The following SLIT3 variants were observed in gnomAD, a reference collection of about 807,000 sequenced individuals.
SLIT3 encodes the protein slit homolog 3 protein.
A neutral mutation model predicts 184.0 loss-of-function variants in SLIT3; 68 were observed. The observed-to-expected ratio is 0.37, with a 90% CI of 0.30 to 0.45. The LOEUF is 0.45. Among genes scored for constraint, SLIT3 ranks in the 20% least tolerant of loss-of-function variants. The pLI, the probability that SLIT3 is intolerant of heterozygous loss-of-function variation, is 1.00. For missense variants in SLIT3, 1,707 were observed against 2,026.0 expected (o/e 0.84, Z 3.02); for synonymous variants, 831 against 828.6 (o/e 1.00, Z -0.05).
intron 5 of SLIT3, among the ~76,000 whole-genome samples, chr5:168,856,281 T>C (rs1758861540): frequency 6.6e-6 from 1 of 152,150 alleles, no homozygotes; most frequent in Non-Finnish European, 1.5e-5. Flanking sequence ...GCAGGAACTT[T>C]ATGAGACCAC....
In SLIT3 at chr5:169,158,997, C is replaced by T. The variant is rs142526438; in HGVS notation, c.413+34482G>A. 4.9e-3 allele frequency among the ~76,000 whole-genome samples: 744 copies of T among 152,266 alleles called. 11 individuals carry two copies. The highest frequency in any genetic ancestry group is 0.017 in the African/African-American group (707 of 41,556). ...AAATATGCCAATTAAAAAACAGAGA[C>T]TGAGGCCGGGCATGGTGGCTCATGC... is the stretch of plus-strand genomic sequence containing the variant. On this transcript the variant is annotated intron_variant, in intron 4 of 35. Transcript: ENST00000519560.
At chr5:169,128,823 T>C (rs551714590) in intron 4 of SLIT3, among the ~76,000 whole-genome samples, 1 of 152,280 alleles carries the variant, frequency 6.6e-6, no homozygotes, top group East Asian at 1.9e-4. Context: ...GCCTGGCAAA[T>C]GTAATTACTA....
intron 4 of SLIT3, among the ~76,000 whole-genome samples, chr5:168,951,173 T>C (rs541971062): frequency 2.0e-5 from 3 of 152,090 alleles, no homozygotes; most frequent in Admixed American, 2.0e-4. Flanking sequence ...TGAGCCAAGA[T>C]TGCACCACTG....
chr5:168,899,658 A>C (rs1760800052), intron 4 of SLIT3, among the ~76,000 whole-genome samples: 1 of 152,242 alleles, frequency 6.6e-6, no homozygotes, highest in African/African-American at 2.4e-5. Context: ...TGTTATCTAC[A>C]GTGATGATTG....
intron 4 of SLIT3, among the ~76,000 whole-genome samples, chr5:169,003,972 C>G (rs1755816681): frequency 6.6e-6 from 1 of 152,120 alleles, no homozygotes; most frequent in Non-Finnish European, 1.5e-5. Flanking sequence ...AACCCAGGCC[C>G]CTGCTGACTG....
intron 5 of SLIT3, among the ~76,000 whole-genome samples, chr5:168,851,033 T>G (rs888793707): frequency 6.6e-6 from 1 of 152,120 alleles, no homozygotes; most frequent in African/African-American, 2.4e-5. Flanking sequence ...ACTTTATCAT[T>G]AAAGATAGGG....
At chr5:169,125,834 G>A (rs1439727918) in intron 4 of SLIT3, among the ~76,000 whole-genome samples, 1 of 152,202 alleles carries the variant, frequency 6.6e-6, no homozygotes, top group Admixed American at 6.5e-5. Flanking sequence ...GAGGAATGAA[G>A]CCTGGGAACA....
intron 4 of SLIT3, among the ~76,000 whole-genome samples, chr5:168,898,061 T>C (rs537010751): frequency 2.0e-5 from 3 of 152,340 alleles, no homozygotes; most frequent in East Asian, 1.9e-4. Flanking sequence ...TTCAAACTTT[T>C]TACATTACAA....
chr5:169,192,474 T>C (rs1345321832), intron 4 of SLIT3, among the ~76,000 whole-genome samples: 1 of 151,858 alleles, frequency 6.6e-6, no homozygotes, highest in Non-Finnish European at 1.5e-5. Context: ...TATAGAAATA[T>C]ATATTCCTAA....
chr5:168,850,886 G>A (rs1332677054), intron 5 of SLIT3, among the ~76,000 whole-genome samples: 1 of 152,178 alleles, frequency 6.6e-6, no homozygotes, highest in Admixed American at 6.5e-5. Flanking sequence ...ACCAGACCTT[G>A]GAGAATAAAG....
chr5:169,292,737 G>C (rs907380935), intron 1 of SLIT3, among the ~76,000 whole-genome samples: 9 of 152,218 alleles, frequency 5.9e-5, no homozygotes, highest in Non-Finnish European at 5.9e-5. Context: ...AATAGAAAAT[G>C]CTCCTGAAAA....
chr5:169,228,262 C>G (rs940273299), intron 3 of SLIT3, among the ~76,000 whole-genome samples: 10 of 152,038 alleles, frequency 6.6e-5, no homozygotes, highest in Non-Finnish European at 1.2e-4. Flanking sequence ...GAGGAAACTG[C>G]TGGAAGAATA....
chr5:168,791,699 A>G (rs1474128909), intron 10 of SLIT3: 1 of 152,220 alleles, frequency 6.6e-6, no homozygotes, highest in Non-Finnish European at 1.5e-5. Context: ...TAACCTATGC[A>G]TTACCTCACA....
At chr5:168,753,796 T>C in intron 17 of SLIT3, 68 bp downstream of exon 17, 3 of 1,554,908 alleles carry the variant, frequency 1.9e-6, no homozygotes, top group Non-Finnish European at 2.6e-6. Flanking sequence ...CTTCGTAGTC[T>C]GTCTCTAATT....
At chr5:169,198,976 A>ACG (rs1554106510) in intron 3 of SLIT3, among the ~76,000 whole-genome samples, 4 of 149,218 alleles carry the variant, frequency 2.7e-5, no homozygotes, top group African/African-American at 9.9e-5. Context: ...ACACACACAC[A>ACG]TATGTGTGTA....
chr5:169,188,240 T>C (rs975634260), intron 4 of SLIT3, among the ~76,000 whole-genome samples: 6 of 152,218 alleles, frequency 3.9e-5, no homozygotes, highest in Non-Finnish European at 2.9e-5. Flanking sequence ...ATAACAGGCA[T>C]GAGCCACTGT....
At chr5:168,999,290 G>T (rs1027226948) in intron 4 of SLIT3, among the ~76,000 whole-genome samples, 2 of 152,172 alleles carry the variant, frequency 1.3e-5, no homozygotes, top group Middle Eastern at 3.4e-3. Context: ...GATACAGTCA[G>T]GTTTCAATCC....
intron 4 of SLIT3, among the ~76,000 whole-genome samples, chr5:169,130,312 A>G (rs1368311890): frequency 1.3e-5 from 2 of 152,240 alleles, no homozygotes; most frequent in African/African-American, 2.4e-5. Context: ...CATGACCTCC[A>G]AAGAAAATTA....
chr5:168,926,440 A>T (rs1042772314), intron 4 of SLIT3, among the ~76,000 whole-genome samples: 2 of 152,174 alleles, frequency 1.3e-5, no homozygotes, highest in African/African-American at 4.8e-5. Context: ...AATTATTCAG[A>T]TAACCATCAC....
Sources: gnomAD v4.1 joint callset for allele counts (sites outside exome capture counted in the v4.1 genomes callset) on GRCh38, gnomAD v4.1.1 for gene constraint, MANE v1.5 for transcripts, NCBI Gene and HGNC (gene_info 2026-07-23, HGNC 2026-07-21) for gene names.